The following HDAC9 variants were observed in gnomAD, a reference collection of about 807,000 sequenced individuals.
HDAC9 encodes histone deacetylase 9, also known as MEF-2 interacting transcription repressor (MITR) protein.
A neutral mutation model predicts 139.4 loss-of-function variants in HDAC9; 41 were observed. The observed-to-expected ratio is 0.29, with a 90% confidence interval of 0.23 to 0.38. The LOEUF (loss-of-function observed/expected upper bound fraction) is 0.38, where lower values mean the gene tolerates loss of function less well. HDAC9 is among the 10% of genes least tolerant of loss of function. The pLI is 1.00. For synonymous variants in HDAC9, 517 were observed against 476.2 expected, an observed-to-expected ratio of 1.09 and a Z score of -1.12; for missense variants, 1,147 against 1,297.0, an observed-to-expected ratio of 0.88 and a Z score of 1.78.
intron 2 of HDAC9, among the ~76,000 whole-genome samples, chr7:18,262,915 T>A (rs960192422): frequency 7.0e-6 from 1 of 142,220 alleles, no homozygotes; most frequent in Non-Finnish European, 1.6e-5. Context: ...ACAGATTTTT[T>A]ATAAAAGAAG....
intron 17 of HDAC9, among the ~76,000 whole-genome samples, chr7:18,807,137 C>T (rs948783626): frequency 6.6e-6 from 1 of 152,060 alleles, no homozygotes; most frequent in African/African-American, 2.4e-5. Context: ...TTGCTGTTGC[C>T]TGCTTCAGAT....
chr7:18,884,925 C>T (rs1442090830), intron 22 of HDAC9, among the ~76,000 whole-genome samples: 3 of 152,176 alleles, frequency 2.0e-5, no homozygotes, highest in Admixed American at 6.5e-5. Context: ...CACACCTCTT[C>T]GGTTCCAGTT....
chr7:18,630,407 G>T (rs1208187769), intron 7 of HDAC9, among the ~76,000 whole-genome samples: 1 of 151,856 alleles, frequency 6.6e-6, no homozygotes, highest in African/African-American at 2.4e-5. Flanking sequence ...TTTATTTTCT[G>T]TATAACTCTT....
intron 1 of HDAC9, among the ~76,000 whole-genome samples, chr7:18,375,384 G>T (rs1465100508): frequency 6.6e-6 from 1 of 152,102 alleles, no homozygotes; most frequent in Non-Finnish European, 1.5e-5. Flanking sequence ...CAGGAGAATT[G>T]CTTGAACCCG....
At chr7:18,403,728 G>A (rs1179348578) in intron 1 of HDAC9, among the ~76,000 whole-genome samples, 2 of 152,132 alleles carry the variant, frequency 1.3e-5, no homozygotes, top group Non-Finnish European at 2.9e-5. Context: ...GGTGAGCAAG[G>A]CAAAAACAGT....
intron 1 of HDAC9, among the ~76,000 whole-genome samples, chr7:18,316,258 A>G (rs1799628862): frequency 6.6e-6 from 1 of 152,160 alleles, no homozygotes; most frequent in Non-Finnish European, 1.5e-5. Flanking sequence ...CCTGCACAAT[A>G]TGCATAGAAG....
chr7:18,448,617 A>G (rs1001590532), intron 1 of HDAC9, among the ~76,000 whole-genome samples: 1 of 152,170 alleles, frequency 6.6e-6, no homozygotes, highest in African/African-American at 2.4e-5. Context: ...TCCACTTTTG[A>G]AAATGGACCC....
intron 1 of HDAC9, among the ~76,000 whole-genome samples, chr7:18,098,997 T>C (rs1180999930): frequency 6.6e-6 from 1 of 152,210 alleles, no homozygotes; most frequent in Non-Finnish European, 1.5e-5. Flanking sequence ...ATTATGTTCA[T>C]TCTTGACAGG....
At chr7:18,726,260 G>T (rs1351628601) in intron 12 of HDAC9, among the ~76,000 whole-genome samples, 2 of 152,314 alleles carry the variant, frequency 1.3e-5, no homozygotes, top group Non-Finnish European at 2.9e-5. Context: ...TTCTCAGCCA[G>T]TGTAATTTGT....
intron 17 of HDAC9, among the ~76,000 whole-genome samples, chr7:18,805,647 C>G (rs1045603337): frequency 5.9e-5 from 9 of 152,208 alleles, no homozygotes; most frequent in African/African-American, 2.2e-4. Flanking sequence ...TGATGAAGGC[C>G]TGCAAGGTCA....
chr7:18,770,261 A>G (rs571707324), intron 16 of HDAC9, among the ~76,000 whole-genome samples: 13 of 152,208 alleles, frequency 8.5e-5, no homozygotes, highest in Admixed American at 6.5e-4. Context: ...TTCAGTTATT[A>G]TGGCTGACTC....
chr7:18,269,312 C>T (rs945437143), intron 2 of HDAC9, among the ~76,000 whole-genome samples: 1 of 152,072 alleles, frequency 6.6e-6, no homozygotes, highest in Non-Finnish European at 1.5e-5. Context: ...TACTCTAGGG[C>T]TTTGGAAAAA....
intron 2 of HDAC9, among the ~76,000 whole-genome samples, chr7:18,187,099 A>G (rs1212555697): frequency 6.6e-6 from 1 of 152,258 alleles, no homozygotes; most frequent in Non-Finnish European, 1.5e-5. Flanking sequence ...TTATTATTCA[A>G]TAAGTGTACA....
chr7:18,909,563 T>C (rs1213224109), intron 22 of HDAC9, among the ~76,000 whole-genome samples: 3 of 152,092 alleles, frequency 2.0e-5, no homozygotes, highest in African/African-American at 7.2e-5. Context: ...AAGTTGAATT[T>C]TGTATATGGT....
chr7:18,180,220 GACACATACACACAC>G (rs1282115923), intron 2 of HDAC9, among the ~76,000 whole-genome samples: 7 of 91,054 alleles, frequency 7.7e-5, no homozygotes, highest in African/African-American at 1.3e-4. Flanking sequence ...CCCTCCCCAA[GACACATACACACAC>G]ACACACACAC....
chr7:18,249,511 A>C (rs1584838321), intron 2 of HDAC9, among the ~76,000 whole-genome samples: 1 of 147,440 alleles, frequency 6.8e-6, no homozygotes, highest in African/African-American at 2.5e-5. Flanking sequence ...TCAAAAAAAA[A>C]AAAAAAAAAA....
intron 12 of HDAC9, among the ~76,000 whole-genome samples, chr7:18,697,495 G>A (rs1584864435): frequency 6.6e-6 from 1 of 151,818 alleles, no homozygotes; most frequent in South Asian, 2.1e-4. Context: ...CTCTCTTTTT[G>A]CTGAAAATTA....
chr7:18,171,256 T>A (rs1042989289), intron 2 of HDAC9, among the ~76,000 whole-genome samples: 10 of 152,290 alleles, frequency 6.6e-5, no homozygotes, highest in Middle Eastern at 3.4e-3. Context: ...TGTCTGTTAT[T>A]GGTGTATAGG....
At chr7:18,954,337 C>A in intron 24 of HDAC9, 107 bp downstream of exon 24, 1 of 880,830 alleles carries the variant, frequency 1.1e-6, no homozygotes, top group Non-Finnish European at 1.8e-6. Context: ...TCATAATTTG[C>A]ACATGCGTTC....
Sources: allele counts gnomAD v4.1 joint callset (sites outside exome capture counted in the v4.1 genomes callset), GRCh38; gene constraint gnomAD v4.1.1; transcripts MANE v1.5; gene names NCBI Gene and HGNC (gene_info 2026-07-23, HGNC 2026-07-21).